Variants in HYDIN observed in about 807,000 individuals in gnomAD.
HYDIN encodes the protein axonemal central pair apparatus protein HYDIN.
A neutral mutation model predicts 403.9 loss-of-function variants in HYDIN; 132 were observed. That is an observed-to-expected ratio of 0.33 (90% confidence interval 0.28 to 0.38). The LOEUF is 0.38. Ranked by LOEUF, HYDIN falls within the 10% of genes least tolerant of loss-of-function variation. The pLI, the probability that HYDIN is intolerant of heterozygous loss-of-function variation, is 1.00. For missense variants in HYDIN, 2,827 were observed against 5,009.5 expected (o/e 0.56, Z 13.15); for synonymous variants, 1,202 against 1,891.7 (o/e 0.64, Z 9.46).
At chr16:70,979,693 G>A (rs1478999158) in intron 29 of HYDIN, among the ~76,000 whole-genome samples, 1 of 152,194 alleles carries the variant, frequency 6.6e-6, no homozygotes, top group Admixed American at 6.5e-5. Flanking sequence ...CACTTTGGGA[G>A]GTTGAGGGCG....
intron 75 of HYDIN, among the ~76,000 whole-genome samples, chr16:70,841,688 T>C (rs1478771634): frequency 2.6e-5 from 4 of 152,130 alleles, no homozygotes; most frequent in Non-Finnish European, 5.9e-5. Flanking sequence ...AGTTCACTCC[T>C]TCTTGCTCTC....
chr16:71,138,015 T>C (rs1191538451), intron 7 of HYDIN, among the ~76,000 whole-genome samples: 12 of 151,272 alleles, frequency 7.9e-5, no homozygotes, highest in Non-Finnish European at 1.5e-4. Flanking sequence ...AATTTAAAAA[T>C]TTTAAATATT....
At chr16:71,177,349 T>C (rs571919320) in intron 4 of HYDIN, among the ~76,000 whole-genome samples, 5 of 152,352 alleles carry the variant, frequency 3.3e-5, no homozygotes, top group Admixed American at 2.6e-4. Context: ...AAGTGAGAAC[T>C]GAACTGCATG....
chr16:70,909,688 CTTTTTTTTTTTTTTT>C (rs74464612), intron 47 of HYDIN, among the ~76,000 whole-genome samples: 1 of 64,776 alleles, frequency 1.5e-5, no homozygotes, highest in Non-Finnish European at 2.9e-5. Context: ...TCAGGCATGT[CTTTTTTTTTTTTTTT>C]TTTTTTTTTT....
intron 23 of HYDIN, among the ~76,000 whole-genome samples, chr16:71,012,895 C>G (rs752340423): frequency 9.1e-5 from 13 of 142,630 alleles, no homozygotes; most frequent in Non-Finnish European, 1.8e-4. Flanking sequence ...ATGCCTGGAA[C>G]CTTTCTCTTT....
chr16:71,223,513 G>C (rs984818815), intron 1 of HYDIN, among the ~76,000 whole-genome samples: 1 of 151,642 alleles, frequency 6.6e-6, no homozygotes, highest in Non-Finnish European at 1.5e-5. Flanking sequence ...CAAAGCAAAA[G>C]AAATAATAAG....
At chr16:71,020,815 A>T (rs975638607) in intron 21 of HYDIN, among the ~76,000 whole-genome samples, 1 of 123,374 alleles carries the variant, frequency 8.1e-6, no homozygotes, top group Non-Finnish European at 1.8e-5. Context: ...TCTCAAGGAA[A>T]AAAAAAAAGA....
At position 70,810,632 on chromosome 16, in the gene HYDIN, C is replaced by T. The variant is rs2035428129; in HGVS notation, c.14659-625G>A. 1.3e-5 allele frequency among the ~76,000 whole-genome samples: 2 copies of T among 151,976 alleles called. 1 individual carries two copies. Among genetic ancestry groups the T allele is most frequent in the South Asian group, 4.1e-4 (2 of 4,822 alleles). On this transcript the variant is annotated intron_variant, in intron 84 of 85. Coordinates refer to ENST00000393567, the MANE Select transcript of HYDIN (RefSeq NM_001270974.2). ...GGATCACAAGGTCAGGAGTTCGAAA[C>T]CAGGCTGACCAACATGGTGAAACCC...
chr16:71,221,250 G>C (rs1385826304), intron 1 of HYDIN, among the ~76,000 whole-genome samples: 2 of 145,992 alleles, frequency 1.4e-5, no homozygotes, highest in Non-Finnish European at 3.1e-5. Flanking sequence ...CAGAGAGAAA[G>C]GTATAAAGAA....
At chr16:71,053,791 T>A (rs1201829751) in intron 18 of HYDIN, among the ~76,000 whole-genome samples, 1 of 151,868 alleles carries the variant, frequency 6.6e-6, no homozygotes, top group African/African-American at 2.4e-5. Context: ...ATAATTTCTT[T>A]AAGTAAAGGA....
intron 65 of HYDIN, among the ~76,000 whole-genome samples, chr16:70,871,286 C>T (rs535414094): frequency 5.9e-5 from 9 of 152,124 alleles, no homozygotes; most frequent in African/African-American, 1.4e-4. Context: ...AAGTCCCCAA[C>T]GCCTTTGCTC....
rs2035159128 is a variant in HYDIN, at chr16:70,807,466, A to ATTGT, written c.*113_*114insACAA. On this transcript the variant is annotated 3_prime_UTR_variant, in exon 86 of 86. Coordinates refer to ENST00000393567, the MANE Select transcript of HYDIN (RefSeq NM_001270974.2). ...CATAATAGGGAAATAACTGCCCTAT[A>ATTGT]ATTGTATGAGAAGAATAAAAACAGT... The ATTGT allele has an allele frequency of 1.7e-6, 2 of 1,202,438 alleles. No individual in the cohort carries two copies. Among genetic ancestry groups the ATTGT allele is most frequent in the South Asian group, 3.0e-5 (2 of 66,054 alleles). 74.5% of individuals were successfully genotyped at this position (1,202,438 alleles called of 1,614,324 possible). A position where few individuals can be genotyped will look rare whatever the true frequency, so the allele number is the denominator to read the frequency against.
In HYDIN at chr16:70,920,891, G is replaced by A. The variant is rs374070480; in HGVS notation, c.7485C>T (p.Asp2495=). The change falls in exon 46 of 86, where the codon GAC becomes GAT. Residue 2495 remains aspartate, a synonymous_variant. Transcript: ENST00000393567. ...AGMEEAPHEP[D]DQRQVPLGGR... ...CACCCAAGGGGACCTGGCGCTGGTC[G>A]TCGGGCTCATGGGGCGCTTCCTCCA... is the stretch of plus-strand genomic sequence containing the variant. The A allele has an allele frequency of 2.7e-5, 44 of 1,611,990 alleles. 1 individual carries two copies. Among genetic ancestry groups the A allele is most frequent in the Admixed American group, 3.4e-5 (2 of 59,454 alleles).
chr16:71,042,008 T>C (rs1314632002), intron 18 of HYDIN, among the ~76,000 whole-genome samples: 1 of 151,618 alleles, frequency 6.6e-6, no homozygotes, highest in African/African-American at 2.4e-5. Context: ...CTTCTGCCAG[T>C]GCATGGTCAC....
intron 53 of HYDIN, among the ~76,000 whole-genome samples, chr16:70,897,317 C>A (rs28684487): frequency 6.6e-6 from 1 of 152,136 alleles, no homozygotes; most frequent in African/African-American, 2.4e-5. Flanking sequence ...CCACCTCTGT[C>A]TCTGCTCCAG....
rs2034992107 is a variant in HYDIN at position 70,803,733 on chromosome 16, T to TAC, written c.*3846_*3847insGT. On this transcript the variant is annotated 3_prime_UTR_variant, in exon 86 of 86. Transcript: ENST00000393567. ...AGTTTCAGGGCAACAGGGTTTAAGG[T>TAC]ATTAGGTAGAGGTCTTGAAATGTAG... Among the ~76,000 whole-genome samples, 5 of 152,222 alleles carry TAC rather than the reference T, an allele frequency of 3.3e-5. No individual in the cohort carries two copies. The highest frequency in any genetic ancestry group is 7.3e-5 in the Non-Finnish European group (5 of 68,034).
At chr16:71,204,353 C>T (rs1052409414) in intron 1 of HYDIN, among the ~76,000 whole-genome samples, 2 of 152,176 alleles carry the variant, frequency 1.3e-5, no homozygotes, top group African/African-American at 4.8e-5. Context: ...ATTGACACTT[C>T]CATGGCTCCA....
chr16:71,228,238 G>A (rs971479872), intron 1 of HYDIN, among the ~76,000 whole-genome samples: 1 of 151,878 alleles, frequency 6.6e-6, no homozygotes, highest in Non-Finnish European at 1.5e-5. Context: ...TACCATTCAG[G>A]ACATAGGCAT....
rs1247217913 is a variant in HYDIN, at chr16:70,984,104, T to C, written c.4332+1081A>G. On this transcript the variant is annotated intron_variant, in intron 28 of 85. Coordinates refer to ENST00000393567, the MANE Select transcript of HYDIN (RefSeq NM_001270974.2). ...GGCTGGGCGAGATGGGGCTCACGCC[T>C]GTAATCCCAGCACTTTGGGATGCCA... is the stretch of plus-strand genomic sequence containing the variant. Among the ~76,000 whole-genome samples, 4 of 152,236 alleles carry C rather than the reference T, an allele frequency of 2.6e-5. No homozygotes were observed. The East Asian group carries it at 5.8e-4, about 22-fold the overall frequency.
Sources: gnomAD v4.1 joint callset for allele counts (sites outside exome capture counted in the v4.1 genomes callset) on GRCh38, gnomAD v4.1.1 for gene constraint, MANE v1.5 for transcripts, NCBI Gene and HGNC (gene_info 2026-07-23, HGNC 2026-07-21) for gene names.